Variants in KCNQ1OT1 observed in about 807,000 individuals in gnomAD.
KCNQ1OT1 encodes the protein KCNQ1 opposite strand/antisense transcript 1.
exon 1 of KCNQ1OT1, chr11:2,609,749 T>C (rs1403872962): frequency 5.0e-6 from 2 of 398,222 alleles, no homozygotes; most frequent in African/African-American, 2.1e-5. Flanking sequence ...TTCTCATGAA[T>C]TGACATTTTA....
chr11:2,668,930 TC>T lies in KCNQ1OT1; in HGVS notation n.31064del, dbSNP rs1850132100. 1 of 398,528 alleles carries T rather than the reference TC, an allele frequency of 2.5e-6. No homozygotes were observed. Among genetic ancestry groups the T allele is most frequent in the Non-Finnish European group, 4.4e-6 (1 of 226,086 alleles). 24.7% of individuals were successfully genotyped at this position (398,528 alleles called of 1,614,324 possible). A position where few individuals can be genotyped will look rare whatever the true frequency, so the allele number is the denominator to read the frequency against. ...TTCTAAAGCTTTATTAGCTCACCTT[TC>T]CCATGTAGATCTGCACTCCATCTGG... On this transcript the variant is annotated non_coding_transcript_exon_variant, in exon 1 of 1. Coordinates refer to ENST00000597346, the Ensembl canonical transcript of KCNQ1OT1. The surrounding 1 kb of genome is among the most constrained non-coding windows in gnomAD (Gnocchi z 4.3).
chr11:2,686,442 C>T (rs563136744), exon 1 of KCNQ1OT1: 1 of 398,678 alleles, frequency 2.5e-6, no homozygotes, highest in Admixed American at 4.4e-5. Flanking sequence ...CCTCCACTGC[C>T]AAGTTTCCAC....
rs552517870 is a variant in KCNQ1OT1, at chr11:2,649,408, A to G, written n.50587T>C. The G allele has an allele frequency of 9.5e-4, 378 of 398,428 alleles. No homozygotes were observed. Among genetic ancestry groups the G allele is most frequent in the Non-Finnish European group, 1.5e-3 (328 of 226,028 alleles). 24.7% of individuals were successfully genotyped at this position (398,428 alleles called of 1,614,324 possible). A position where few individuals can be genotyped will look rare whatever the true frequency, so the allele number is the denominator to read the frequency against. Reference sequence around the variant, plus strand: ...TATGCTTTTGTAGTTTCATGATGGTAGATATCATCCTCCTACTTCCAGATG... The same window carrying G: ...TATGCTTTTGTAGTTTCATGATGGTGGATATCATCCTCCTACTTCCAGATG... On this transcript the variant is annotated non_coding_transcript_exon_variant, in exon 1 of 1. Transcript: ENST00000597346.
At chr11:2,694,261 A>G (rs772811222) in exon 1 of KCNQ1OT1, 39 of 398,546 alleles carry the variant, frequency 9.8e-5, no homozygotes, top group Non-Finnish European at 1.6e-4. Flanking sequence ...TGCTGCCTTT[A>G]AAGAGCCACA....
At chr11:2,667,008 T>C (rs113535892) in exon 1 of KCNQ1OT1, 11 of 398,534 alleles carry the variant, frequency 2.8e-5, no homozygotes, top group Non-Finnish European at 4.9e-5. Context: ...GCATGAGTCA[T>C]AGGATCCCCG....
chr11:2,681,634 A>G (rs1316186102), exon 1 of KCNQ1OT1: 1 of 359,978 alleles, frequency 2.8e-6, no homozygotes, highest in African/African-American at 2.5e-5. Flanking sequence ...ACCTCCCCCA[A>G]CCTATCTCTC....
exon 1 of KCNQ1OT1, chr11:2,699,989 C>G: frequency 2.5e-6 from 1 of 398,286 alleles, no homozygotes; most frequent in Admixed American, 4.4e-5. Flanking sequence ...ACGCGGCGAC[C>G]GTTCTGCCTG....
At position 2,643,941 on chromosome 11, in the gene KCNQ1OT1, C is replaced by T. The variant is rs528659282; in HGVS notation, n.56054G>A. ...TGCGTATATAATCCCATCCTCCTGG[C>T]CTGTAAAGTTTCTGCTGAAAAATCT... is the stretch of plus-strand genomic sequence containing the variant. On this transcript the variant is annotated non_coding_transcript_exon_variant, in exon 1 of 1. Transcript: ENST00000597346. 923 of 398,532 alleles carry T rather than the reference C, an allele frequency of 2.3e-3. 4 individuals are homozygous for T. Among genetic ancestry groups the T allele is most frequent in the Non-Finnish European group, 3.6e-3 (817 of 226,032 alleles). 24.7% of individuals were successfully genotyped at this position (398,532 alleles called of 1,614,324 possible). A position where few individuals can be genotyped will look rare whatever the true frequency, so the allele number is the denominator to read the frequency against.
At position 2,612,803 on chromosome 11, in the gene KCNQ1OT1, C is replaced by T. The variant is rs763561778; in HGVS notation, n.87192G>A. ...CACAATTTTCTGTTTCTTTGCATAT[C>T]TCATTTTTTTTGTTAAAAACTTACT... On this transcript the variant is annotated non_coding_transcript_exon_variant, in exon 1 of 1. Coordinates refer to ENST00000597346, the Ensembl canonical transcript of KCNQ1OT1. The surrounding 1 kb of genome is among the most constrained non-coding windows in gnomAD (Gnocchi z 5.5). 3.5e-5 allele frequency: 14 copies of T among 398,334 alleles called. No homozygotes were observed. The highest frequency in any genetic ancestry group is 6.2e-5 in the Non-Finnish European group (14 of 226,024). 24.7% of individuals were successfully genotyped at this position (398,334 alleles called of 1,614,324 possible).
chr11:2,684,183 G>T (rs1369479183), exon 1 of KCNQ1OT1: 2 of 398,498 alleles, frequency 5.0e-6, no homozygotes, highest in East Asian at 7.1e-5. Flanking sequence ...GCGCCCACTG[G>T]GGCTTGGTCA....
exon 1 of KCNQ1OT1, chr11:2,696,717 T>C: frequency 2.5e-6 from 1 of 398,602 alleles, no homozygotes; most frequent in Non-Finnish European, 4.4e-6. Flanking sequence ...TATGGAAAGA[T>C]CTCCCTCTAT....
At position 2,690,127 on chromosome 11, in the gene KCNQ1OT1, G is replaced by A. The variant is rs1305150541; in HGVS notation, n.9868C>T. ...TCCGGGGTTAGAACTGGGGGAGCAG[G>A]GACAAAAAGCGGGCAGCCCTCCCCA... On this transcript the variant is annotated non_coding_transcript_exon_variant, in exon 1 of 1. Coordinates refer to ENST00000597346, the Ensembl canonical transcript of KCNQ1OT1. The surrounding 1 kb of genome is among the most constrained non-coding windows in gnomAD (Gnocchi z 5.1). 2.5e-6 allele frequency: 1 copy of A among 398,824 alleles called. No individual in the cohort carries two copies. Among genetic ancestry groups the A allele is most frequent in the South Asian group, 1.3e-4 (1 of 7,862 alleles). 24.7% of individuals were successfully genotyped at this position (398,824 alleles called of 1,614,324 possible).
Position 2,672,000 on chromosome 11 carries a change from G to A in KCNQ1OT1, n.27995C>T, listed in dbSNP as rs12146615. 1.5e-5 allele frequency: 6 copies of A among 398,468 alleles called. No individual in the cohort carries two copies. Among genetic ancestry groups the A allele is most frequent in the Non-Finnish European group, 2.2e-5 (5 of 226,118 alleles). 24.7% of individuals were successfully genotyped at this position (398,468 alleles called of 1,614,324 possible). ...CTAGCACCCCTGACTTCAAGTCCTC[G>A]AGTGTATGTTGGGCTTGTCTCCCTA... On this transcript the variant is annotated non_coding_transcript_exon_variant, in exon 1 of 1. Transcript: ENST00000597346. The surrounding 1 kb of genome is among the most constrained non-coding windows in gnomAD (Gnocchi z 4.7).
In KCNQ1OT1 at chr11:2,677,171, C is replaced by A. The variant is rs770978902; in HGVS notation, n.22824G>T. ...TGTTGTTTCTCCCTATCCATCTTATCCCTACTTGTATCTCTGCTGACTGAC... is the reference window on the plus strand; with the variant it reads ...TGTTGTTTCTCCCTATCCATCTTATACCTACTTGTATCTCTGCTGACTGAC... On this transcript the variant is annotated non_coding_transcript_exon_variant, in exon 1 of 1. Coordinates refer to ENST00000597346, the Ensembl canonical transcript of KCNQ1OT1. The surrounding 1 kb of genome is among the most constrained non-coding windows in gnomAD (Gnocchi z 4.5). 6 of 398,490 alleles carry A rather than the reference C, an allele frequency of 1.5e-5. No individual in the cohort carries two copies. Among genetic ancestry groups the A allele is most frequent in the South Asian group, 1.3e-4 (1 of 7,862 alleles). 24.7% of individuals were successfully genotyped at this position (398,490 alleles called of 1,614,324 possible). A position where few individuals can be genotyped will look rare whatever the true frequency, so the allele number is the denominator to read the frequency against.
Position 2,651,307 on chromosome 11 carries a change from G to A in KCNQ1OT1, n.48688C>T. On this transcript the variant is annotated non_coding_transcript_exon_variant, in exon 1 of 1. Transcript: ENST00000597346. The surrounding 1 kb of genome is among the most constrained non-coding windows in gnomAD (Gnocchi z 6.1). ...CTTCATGGTGGGCAGCTGGGAAGCT[G>A]CACAGAACACTCCTCAGAGTTCTAC... is the stretch of plus-strand genomic sequence containing the variant. 1 of 398,722 alleles carries A rather than the reference G, an allele frequency of 2.5e-6. No homozygotes were observed. The highest frequency in any genetic ancestry group is 4.4e-6 in the Non-Finnish European group (1 of 226,116). 24.7% of individuals were successfully genotyped at this position (398,722 alleles called of 1,614,324 possible).
chr11:2,621,170 G>C lies in KCNQ1OT1; in HGVS notation n.78825C>G. ...TTTTTGTGTTTTTAGTAGAGACGGG[G>C]TTTCACCATGTTGGCCAGGATGGTC... is the stretch of plus-strand genomic sequence containing the variant. On this transcript the variant is annotated non_coding_transcript_exon_variant, in exon 1 of 1. Coordinates refer to ENST00000597346, the Ensembl canonical transcript of KCNQ1OT1. This position sits in a 1 kb window ranked among gnomAD's most constrained non-coding sequence, Gnocchi z 5.7. 2.5e-6 allele frequency: 1 copy of C among 397,398 alleles called. No homozygotes were observed. The highest frequency in any genetic ancestry group is 4.4e-5 in the Admixed American group (1 of 22,694). The allele number at this position is 397,398 out of a possible 1,614,324, so 24.6% of individuals were successfully genotyped here.
At position 2,682,977 on chromosome 11, in the gene KCNQ1OT1, A is replaced by G. The variant is rs1396026732; in HGVS notation, n.17018T>C. On this transcript the variant is annotated non_coding_transcript_exon_variant, in exon 1 of 1. Transcript: ENST00000597346. This position sits in a 1 kb window ranked among gnomAD's most constrained non-coding sequence, Gnocchi z 5.8. ...AGTCCTTCTGCCACCCAGACTGTGCATTCAGACATCTCCCTTGTGCTGTGC... is the reference window on the plus strand; with the variant it reads ...AGTCCTTCTGCCACCCAGACTGTGCGTTCAGACATCTCCCTTGTGCTGTGC... 2.5e-6 allele frequency: 1 copy of G among 398,532 alleles called. No individual in the cohort carries two copies. Among genetic ancestry groups the G allele is most frequent in the African/African-American group, 2.1e-5 (1 of 48,634 alleles). 24.7% of individuals were successfully genotyped at this position (398,532 alleles called of 1,614,324 possible). A position where few individuals can be genotyped will look rare whatever the true frequency, so the allele number is the denominator to read the frequency against.
At chr11:2,686,246 C>G (rs1850487699) in exon 1 of KCNQ1OT1, 2 of 398,768 alleles carry the variant, frequency 5.0e-6, no homozygotes, top group Non-Finnish European at 4.4e-6. Context: ...GGATAGCACA[C>G]AGCAAATGTC....
rs1173077775 is a variant in KCNQ1OT1, at chr11:2,674,243, G to A, written n.25752C>T. ...GGCCCAGATAGATGTGAGCAGAGCT[G>A]GAGGCCCCTCTCTCCCAGCCCCCGG... On this transcript the variant is annotated non_coding_transcript_exon_variant, in exon 1 of 1. Coordinates refer to ENST00000597346, the Ensembl canonical transcript of KCNQ1OT1. The surrounding 1 kb of genome is among the most constrained non-coding windows in gnomAD (Gnocchi z 5.9). 4 of 398,604 alleles carry A rather than the reference G, an allele frequency of 1.0e-5. No individual in the cohort carries two copies. The highest frequency in any genetic ancestry group is 1.8e-5 in the Non-Finnish European group (4 of 226,168). 24.7% of individuals were successfully genotyped at this position (398,604 alleles called of 1,614,324 possible). A position where few individuals can be genotyped will look rare whatever the true frequency, so the allele number is the denominator to read the frequency against.
Sources: allele counts gnomAD v4.1 joint callset, GRCh38; gene constraint gnomAD v4.1.1; non-coding constraint Gnocchi (gnomAD v3.1); transcripts MANE v1.5; gene names NCBI Gene and HGNC (gene_info 2026-07-23, HGNC 2026-07-21).